Variants in PHF24 observed in about 807,000 individuals in gnomAD.
PHF24 encodes the protein PHD finger protein 24.
PHF24 carries 25 observed loss-of-function variants against 42.6 expected under a neutral mutation model. The observed-to-expected ratio is 0.59, with a 90% CI of 0.43 to 0.82. PHF24 has a LOEUF of 0.82. PHF24 is among the 40% of genes least tolerant of loss of function. The pLI, the probability that PHF24 is intolerant of heterozygous loss-of-function variation, is 0.00. For synonymous variants in PHF24, 185 were observed against 204.8 expected (o/e 0.90, Z 0.83); for missense variants, 470 against 538.1 (o/e 0.87, Z 1.25).
chr9:34,815,814 A>G, the PHF24 span, among the ~76,000 whole-genome samples: 1 of 152,174 alleles, frequency 6.6e-6, no homozygotes, highest in East Asian at 1.9e-4. Context: ...CAGGACTACA[A>G]ATCAATATTT....
chr9:34,740,598 G>C, the PHF24 span, among the ~76,000 whole-genome samples: 2 of 152,170 alleles, frequency 1.3e-5, no homozygotes, highest in African/African-American at 4.8e-5. Flanking sequence ...GCGCAGCCCC[G>C]GTTCCCGCTG....
the PHF24 span, among the ~76,000 whole-genome samples, chr9:34,780,897 A>G: frequency 6.6e-6 from 1 of 152,342 alleles, no homozygotes; most frequent in East Asian, 1.9e-4. Context: ...TGCAAATCAA[A>G]ACCACAGTAA....
At chr9:34,670,288 C>G in the PHF24 span, among the ~76,000 whole-genome samples, 1 of 152,310 alleles carries the variant, frequency 6.6e-6, no homozygotes, top group African/African-American at 2.4e-5. Context: ...GGGAACTTCT[C>G]AGACTTGTAG....
the PHF24 span, among the ~76,000 whole-genome samples, chr9:34,823,053 G>A: frequency 7.3e-5 from 11 of 151,230 alleles, no homozygotes; most frequent in African/African-American, 1.2e-4. Flanking sequence ...AAAATTAGCC[G>A]GGCGCGGTGG....
At chr9:34,762,310 C>G in the PHF24 span, among the ~76,000 whole-genome samples, 2 of 146,256 alleles carry the variant, frequency 1.4e-5, no homozygotes, top group Non-Finnish European at 3.0e-5. Flanking sequence ...TACAGTCCCA[C>G]CAACAGTGTA....
At chr9:34,776,334 T>G in the PHF24 span, among the ~76,000 whole-genome samples, 1 of 152,220 alleles carries the variant, frequency 6.6e-6, no homozygotes, top group East Asian at 1.9e-4. Context: ...CCCAGTAATT[T>G]ATAAATTTGG....
chr9:34,851,505 A>T, the PHF24 span, among the ~76,000 whole-genome samples: 58 of 151,974 alleles, frequency 3.8e-4, 3 homozygotes, highest in East Asian at 0.01. Context: ...GCTGTCTGTC[A>T]CCCCTTTCTT....
chr9:34,821,122 G>A, the PHF24 span, among the ~76,000 whole-genome samples: 1 of 152,076 alleles, frequency 6.6e-6, no homozygotes, highest in African/African-American at 2.4e-5. Flanking sequence ...AAAAAATCCT[G>A]TATCACAAGC....
the PHF24 span, among the ~76,000 whole-genome samples, chr9:34,740,962 T>C: frequency 6.6e-6 from 1 of 152,002 alleles, no homozygotes; most frequent in African/African-American, 2.4e-5. Flanking sequence ...CTCAGCTCAC[T>C]GCAACTTCTG....
the PHF24 span, among the ~76,000 whole-genome samples, chr9:34,894,731 A>G: frequency 6.6e-6 from 1 of 152,220 alleles, no homozygotes; most frequent in Non-Finnish European, 1.5e-5. Context: ...TGCCCATTTT[A>G]TGGAGAACAA....
the PHF24 span, among the ~76,000 whole-genome samples, chr9:34,755,260 A>G: frequency 6.6e-6 from 1 of 152,220 alleles, no homozygotes; most frequent in Non-Finnish European, 1.5e-5. Flanking sequence ...TGGATACCCC[A>G]TTTATCCTGA....
chr9:34,868,269 A>G, the PHF24 span, among the ~76,000 whole-genome samples: 63 of 152,332 alleles, frequency 4.1e-4, no homozygotes, highest in Admixed American at 1.6e-3. Context: ...AGAAAGAATC[A>G]TGACACCATT....
intron 6 of PHF24, 59 bp downstream of exon 6, chr9:34,977,302 A>G: frequency 1.3e-6 from 2 of 1,528,456 alleles, no homozygotes; most frequent in Non-Finnish European, 1.8e-6. Flanking sequence ...TTTCCATGCC[A>G]GTGGCCCTTC....
the PHF24 span, among the ~76,000 whole-genome samples, chr9:34,805,522 A>G: frequency 5.6e-4 from 86 of 152,320 alleles, no homozygotes; most frequent in Non-Finnish European, 1.5e-4. Context: ...AGAAATGTCT[A>G]TTCAGATCCT....
the PHF24 span, among the ~76,000 whole-genome samples, chr9:34,776,345 C>G: frequency 2.0e-5 from 3 of 152,266 alleles, no homozygotes; most frequent in East Asian, 5.8e-4. Context: ...ATAAATTTGG[C>G]TGCTTTATGG....
the PHF24 span, among the ~76,000 whole-genome samples, chr9:34,802,025 T>C: frequency 6.6e-6 from 1 of 152,090 alleles, no homozygotes; most frequent in African/African-American, 2.4e-5. Flanking sequence ...TCTATACCTA[T>C]GTAAAAAACC....
chr9:34,807,198 C>T, the PHF24 span, among the ~76,000 whole-genome samples: 3 of 152,128 alleles, frequency 2.0e-5, no homozygotes, highest in Non-Finnish European at 4.4e-5. Flanking sequence ...TGCCCTTTAT[C>T]AGATTAAGGA....
the PHF24 span, among the ~76,000 whole-genome samples, chr9:34,831,731 G>C: frequency 1.3e-5 from 2 of 152,136 alleles, no homozygotes; most frequent in Non-Finnish European, 2.9e-5. Flanking sequence ...CTGGGCCTGT[G>C]GGACAGGCCC....
At chr9:34,954,198 C>T (rs530287830), upstream of PHF24, among the ~76,000 whole-genome samples, 1 of 152,192 alleles carries the variant, frequency 6.6e-6, no homozygotes, top group South Asian at 2.1e-4. Flanking sequence ...TCAGAAGAAC[C>T]AAGACGTAGG....
Sources: allele counts gnomAD v4.1 joint callset (sites outside exome capture counted in the v4.1 genomes callset), GRCh38; gene constraint gnomAD v4.1.1; transcripts MANE v1.5; gene names NCBI Gene and HGNC (gene_info 2026-07-23, HGNC 2026-07-21).